The following POLA1 variants were observed in gnomAD, a reference collection of about 807,000 sequenced individuals.
POLA1 encodes DNA polymerase alpha catalytic subunit.
POLA1 carries 15 observed loss-of-function variants against 124.0 expected under a neutral mutation model. The observed-to-expected ratio is 0.12, with a 90% confidence interval of 0.08 to 0.19. The LOEUF (loss-of-function observed/expected upper bound fraction) is 0.19, where lower values mean the gene tolerates loss of function less well. Among genes scored for constraint, POLA1 ranks in the 10% least tolerant of loss-of-function variants. POLA1 has a pLI of 1.00. For missense variants in POLA1, 886 were observed against 1,103.4 expected (o/e 0.80, Z 2.79); for synonymous variants, 408 against 389.4 (o/e 1.05, Z -0.56).
intron 26 of POLA1, among the ~76,000 whole-genome samples, chrX:24,804,294 T>A (rs1051865443): frequency 9.0e-6 from 1 of 111,621 alleles, no homozygotes; most frequent in East Asian, 2.8e-4. Flanking sequence ...TGAGTAGCAC[T>A]GAGTCCTGCT....
At chrX:24,731,846 G>A (rs1267533059) in intron 15 of POLA1, among the ~76,000 whole-genome samples, 1 of 112,260 alleles carries the variant, frequency 8.9e-6, no homozygotes, top group Admixed American at 9.4e-5. Context: ...AAGGAAGTAG[G>A]TAGGGTTATA....
At chrX:24,775,343 G>C (rs1486840150) in intron 26 of POLA1, 2 of 112,144 alleles carry the variant, frequency 1.8e-5, no homozygotes, top group African/African-American at 6.5e-5. Context: ...AAGAGTTGCT[G>C]CTCTGTGTGC....
chrX:24,723,450 G>A (rs1930328743), intron 11 of POLA1, among the ~76,000 whole-genome samples, 183 bp downstream of exon 11: 1 of 111,725 alleles, frequency 9.0e-6, no homozygotes, highest in Non-Finnish European at 1.9e-5. Flanking sequence ...GGGAAAAGTA[G>A]AAAAAATAAA....
At chrX:24,980,601 G>A (rs1379732400) in intron 36 of POLA1, among the ~76,000 whole-genome samples, 3 of 110,477 alleles carry the variant, frequency 2.7e-5, no homozygotes, top group Non-Finnish European at 5.7e-5. Context: ...TTGACAGTTT[G>A]TGTGTGTTGC....
At chrX:24,849,194 G>A (rs1406139176) in intron 34 of POLA1, among the ~76,000 whole-genome samples, 5 of 112,256 alleles carry the variant, frequency 4.5e-5, no homozygotes, top group Non-Finnish European at 9.4e-5. Context: ...ATTATAAGTG[G>A]TACAAAGGCA....
At position 24,714,559 on chromosome X, in the gene POLA1, G is replaced by T; in HGVS notation, c.352G>T (p.Asp118Tyr). The change falls in exon 5 of 37, where the codon GAT (aspartate) becomes TAT (tyrosine). Residue 118 changes from aspartate (D) to tyrosine (Y), a missense_variant. Asp to Tyr is a radical substitution (Grantham distance 160). Around this residue, in one of 7 missense-constraint regions of POLA1, gnomAD observed 337 missense variants for 402.8 expected, o/e 0.84. Transcript: ENST00000379068. ...DALDADEKGK[D>Y]GKARNKDKRN... The stretch of plus-strand genomic sequence containing the variant: ...AATAATTCATATTCCAATAGGAAAA[G>T]ATGGTAAAGCACGCAATAAAGACAA... 8.6e-7 allele frequency: 1 copy of T among 1,159,980 alleles called. No homozygotes were observed. The highest frequency in any genetic ancestry group is 1.8e-5 in the African/African-American group (1 of 56,858).
chrX:24,925,056 A>G (rs2047671200), intron 35 of POLA1, among the ~76,000 whole-genome samples: 1 of 112,208 alleles, frequency 8.9e-6, no homozygotes, highest in African/African-American at 3.2e-5. Flanking sequence ...TAGAGTTCTG[A>G]ATCTGCTATA....
At chrX:24,840,760 A>G (rs1277615374) in intron 32 of POLA1, among the ~76,000 whole-genome samples, 1 of 112,378 alleles carries the variant, frequency 8.9e-6, no homozygotes, top group Non-Finnish European at 1.9e-5. Context: ...AAAGATAGAA[A>G]TATTGTCTCT....
At chrX:24,870,678 A>G (rs1334304691) in intron 34 of POLA1, among the ~76,000 whole-genome samples, 1 of 111,850 alleles carries the variant, frequency 8.9e-6, no homozygotes, top group Admixed American at 9.5e-5. Context: ...TTTTCCTAAC[A>G]GCATCTCCTA....
At chrX:24,786,385 T>C (rs2045361416) in intron 26 of POLA1, among the ~76,000 whole-genome samples, 2 of 112,608 alleles carry the variant, frequency 1.8e-5, no homozygotes, top group South Asian at 7.3e-4. Context: ...GTGGTTGTGA[T>C]TTGCGTGTCG....
intron 36 of POLA1, among the ~76,000 whole-genome samples, chrX:24,968,466 A>G (rs111464572): frequency 0.01 from 1,131 of 111,596 alleles, 6 homozygotes; most frequent in Non-Finnish European, 0.012. Context: ...TTGGGAGGCC[A>G]AGGCGGGCGG....
chrX:24,951,975 C>T (rs1472138726), intron 36 of POLA1, among the ~76,000 whole-genome samples: 2 of 111,822 alleles, frequency 1.8e-5, no homozygotes, highest in Non-Finnish European at 3.8e-5. Context: ...AAATACAAGC[C>T]ATTCAGAGTT....
At chrX:24,828,235 A>G (rs2046205449) in intron 32 of POLA1, among the ~76,000 whole-genome samples, 1 of 112,643 alleles carries the variant, frequency 8.9e-6, no homozygotes, top group African/African-American at 3.2e-5. Flanking sequence ...GCTCTGTTGG[A>G]TACAGTGATA....
intron 1 of POLA1, among the ~76,000 whole-genome samples, chrX:24,694,701 T>C (rs1927854410): frequency 8.9e-6 from 1 of 112,269 alleles, no homozygotes; most frequent in African/African-American, 3.2e-5. Flanking sequence ...AATACAAAAA[T>C]GCAAATAGAT....
At chrX:24,709,516 G>T (rs1360341657) in intron 4 of POLA1, among the ~76,000 whole-genome samples, 4 of 109,568 alleles carry the variant, frequency 3.7e-5, no homozygotes, top group Non-Finnish European at 7.8e-5. Context: ...TCCCGGACGG[G>T]GTGGCTGCCG....
At chrX:24,915,322 T>G (rs1430399806) in intron 35 of POLA1, among the ~76,000 whole-genome samples, 1 of 112,228 alleles carries the variant, frequency 8.9e-6, no homozygotes, top group East Asian at 2.8e-4. Context: ...GATCTACCAA[T>G]TTGCTCTTTT....
intron 34 of POLA1, among the ~76,000 whole-genome samples, chrX:24,873,902 C>T (rs1447192481): frequency 9.0e-6 from 1 of 111,690 alleles, no homozygotes; most frequent in East Asian, 2.8e-4. Context: ...CTTTTTTGAA[C>T]TAAGTCTTTG....
Position 24,739,508 on chromosome X carries a change from A to T in POLA1, c.2174A>T (p.Glu725Val). Residue 725 changes from glutamate (E) to valine (V), a missense_variant, in exon 20 of 37, where the codon GAA becomes GTA. Physicochemically the swap from Glu to Val is moderately radical, Grantham distance 121. Coordinates refer to ENST00000379068, the MANE Select transcript of POLA1 (RefSeq NM_001330360.2). ...CTTGTTCAGCAGATTCTAAAAACTG[A>T]AAGGGTTGTAATCCCAATGGAAAAT... The part of the protein sequence containing the change: ...SELVQQILKT[E>V]RVVIPMENIQ... 1 of 1,188,780 alleles carries T rather than the reference A, an allele frequency of 8.4e-7. No homozygotes were observed. The highest frequency in any genetic ancestry group is 1.1e-6 in the Non-Finnish European group (1 of 876,284).
rs1478807473 is a variant in POLA1, at chrX:24,732,358, C to T, written c.1687-12C>T. The T allele has an allele frequency of 4.3e-6, 5 of 1,152,110 alleles. No homozygotes were observed. Among genetic ancestry groups the T allele is most frequent in the African/African-American group, 3.6e-5 (2 of 55,959 alleles). The allele number at this position is 1,152,110 out of a possible 1,213,427, so 94.9% of individuals were successfully genotyped here. A position where few individuals can be genotyped will look rare whatever the true frequency, so the allele number is the denominator to read the frequency against. On this transcript the variant is annotated splice_polypyrimidine_tract_variant and intron_variant, in intron 15 of 36. Coordinates refer to ENST00000379068, the MANE Select transcript of POLA1 (RefSeq NM_001330360.2). ...GGTCTGGTAAGTGGGTTTTTTCCTC[C>T]TTTCTTTGCAGATTATTGCTATGGC...
Sources: gnomAD v4.1 joint callset for allele counts (sites outside exome capture counted in the v4.1 genomes callset) on GRCh38, gnomAD v4.1.1 for gene constraint, gnomAD v4.1.1 regional missense constraint, MANE v1.5 for transcripts, NCBI Gene and HGNC (gene_info 2026-07-23, HGNC 2026-07-21) for gene names.